The following SMU1 variants were observed in gnomAD, a reference collection of about 807,000 sequenced individuals.
SMU1 encodes SMU1 DNA replication regulator and spliceosomal factor, also known as WD40 repeat-containing protein SMU1.
In SMU1, 2 loss-of-function variants were observed where a neutral mutation model predicts 62.0. That is an observed-to-expected ratio of 0.03 (90% CI 0.01 to 0.10). SMU1 has a LOEUF of 0.10. SMU1 is among the 10% of genes least tolerant of loss of function. The pLI, the probability that SMU1 is intolerant of heterozygous loss-of-function variation, is 1.00. For missense variants in SMU1, 227 were observed against 622.1 expected (o/e 0.36, Z 6.76); for synonymous variants, 188 against 212.4 (o/e 0.89, Z 1.00).
intron 5 of SMU1, among the ~76,000 whole-genome samples, chr9:33,061,133 AAT>A (rs1342499076): frequency 2.0e-5 from 3 of 152,252 alleles, no homozygotes; most frequent in African/African-American, 7.2e-5. Context: ...CTGTCTGATA[AAT>A]GCATTCTGAG....
chr9:33,059,582 C>T (rs951706191), intron 6 of SMU1, among the ~76,000 whole-genome samples: 1 of 145,544 alleles, frequency 6.9e-6, no homozygotes, highest in African/African-American at 2.6e-5. Context: ...AAGGGCGAAA[C>T]TCTGTTTTGT....
At chr9:33,061,330 G>C (rs542664265) in intron 5 of SMU1, among the ~76,000 whole-genome samples, 1 of 152,314 alleles carries the variant, frequency 6.6e-6, no homozygotes, top group South Asian at 2.1e-4. Flanking sequence ...GTTTCAGGCA[G>C]AGTAAATAAA....
At chr9:33,071,096 A>T (rs1004648467) in intron 3 of SMU1, among the ~76,000 whole-genome samples, 6 of 152,176 alleles carry the variant, frequency 3.9e-5, no homozygotes, top group Non-Finnish European at 7.3e-5. Flanking sequence ...CTGCATGCCT[A>T]TATCAAAATA....
chr9:33,076,094 A>G (rs1274453468), intron 1 of SMU1, among the ~76,000 whole-genome samples: 1 of 152,208 alleles, frequency 6.6e-6, no homozygotes, highest in Non-Finnish European at 1.5e-5. Flanking sequence ...CTAGGCACCG[A>G]CAAAGGCTAG....
rs1219980554 is a variant in SMU1, at chr9:33,043,499, G to C, written c.*3794C>G. ...GGACCTTAGAATGTGTCTATCACGT[G>C]ACACTTGTAAGAACCACTGTTCTAG... On this transcript the variant is annotated 3_prime_UTR_variant, in exon 12 of 12. Coordinates refer to ENST00000397149, the MANE Select transcript of SMU1 (RefSeq NM_018225.3). 6.6e-6 allele frequency: 1 copy of C among 152,220 alleles called. No homozygotes were observed. Among genetic ancestry groups the C allele is most frequent in the Non-Finnish European group, 1.5e-5 (1 of 68,050 alleles). The allele number at this position is 152,220 out of a possible 1,614,324, so 9.4% of individuals were successfully genotyped here. A position where few individuals can be genotyped will look rare whatever the true frequency, so the allele number is the denominator to read the frequency against.
chr9:33,047,745 G>C (rs192812486), intron 11 of SMU1, among the ~76,000 whole-genome samples: 5 of 152,194 alleles, frequency 3.3e-5, no homozygotes, highest in African/African-American at 1.2e-4. Context: ...TGTAGTCCCA[G>C]TTACTTGGGA....
intron 4 of SMU1, among the ~76,000 whole-genome samples, chr9:33,064,809 C>A (rs912801911): frequency 6.6e-6 from 1 of 151,466 alleles, no homozygotes; most frequent in African/African-American, 2.4e-5. Flanking sequence ...GTGGCGCGAT[C>A]TTGGCTCACT....
chr9:33,074,039 A>G (rs1021376930), intron 1 of SMU1, among the ~76,000 whole-genome samples: 1 of 152,240 alleles, frequency 6.6e-6, no homozygotes, highest in African/African-American at 2.4e-5. Context: ...TCAGCTAGAA[A>G]GGGAGTTGGT....
rs550486292 is a variant in SMU1, at chr9:33,047,067, A to G, written c.*226T>C. 1.2e-4 allele frequency: 50 copies of G among 401,442 alleles called. 1 individual carries two copies. In the South Asian group the frequency reaches 1.9e-3, roughly 15 times the overall value. 24.9% of individuals were successfully genotyped at this position (401,442 alleles called of 1,614,324 possible). On this transcript the variant is annotated 3_prime_UTR_variant, in exon 12 of 12. Coordinates refer to ENST00000397149, the MANE Select transcript of SMU1 (RefSeq NM_018225.3). ...CTCCAGGTCGAAGATTAATGAAAAC[A>G]TTAAGTGACTGCACCAGTTAGAAGA...
chr9:33,074,447 C>A (rs1057315195), intron 1 of SMU1, among the ~76,000 whole-genome samples: 29 of 150,058 alleles, frequency 1.9e-4, no homozygotes, highest in African/African-American at 6.7e-4. Flanking sequence ...CACACACACA[C>A]ACAAAAAAAA....
intron 10 of SMU1, among the ~76,000 whole-genome samples, chr9:33,050,917 C>T (rs1289105226): frequency 8.8e-6 from 1 of 113,454 alleles, no homozygotes; most frequent in African/African-American, 3.0e-5. Flanking sequence ...GTCAGGAGAT[C>T]GAGACCATCC....
chr9:33,057,643 T>C lies in SMU1; in HGVS notation c.822A>G (p.Arg274=). The part of the protein sequence containing the change: ...DDAVLCMCFS[R]DTEMLATGAQ... ...CCCCAGTTGCTAACATTTCTGTATC[T>C]CTGCTGAAACACATGCAGAGGACAG... The change falls in exon 7 of 12, where the codon AGA becomes AGG. Residue 274 remains arginine (R), a synonymous_variant. Coordinates refer to ENST00000397149, the MANE Select transcript of SMU1 (RefSeq NM_018225.3). 1 of 1,614,040 alleles carries C rather than the reference T, an allele frequency of 6.2e-7. No individual in the cohort carries two copies. Among genetic ancestry groups the C allele is most frequent in the Non-Finnish European group, 8.5e-7 (1 of 1,180,000 alleles).
intron 10 of SMU1, among the ~76,000 whole-genome samples, chr9:33,050,755 G>A (rs10971369): frequency 9.2e-5 from 14 of 151,608 alleles, no homozygotes; most frequent in African/African-American, 3.1e-4. Flanking sequence ...GAACCCGGGG[G>A]CCGGAGGTTG....
intron 4 of SMU1, among the ~76,000 whole-genome samples, chr9:33,063,864 T>A (rs1296872448): frequency 6.6e-6 from 1 of 151,866 alleles, no homozygotes; most frequent in African/African-American, 2.4e-5. Flanking sequence ...TGGGGACCAC[T>A]GATTTAAAAA....
chr9:33,067,611 G>A (rs1839437293), intron 4 of SMU1, among the ~76,000 whole-genome samples: 1 of 149,764 alleles, frequency 6.7e-6, no homozygotes. Context: ...TGATTCTCCT[G>A]CCTCAGCCTC....
At chr9:33,072,107 G>T (rs1839493111) in intron 2 of SMU1, among the ~76,000 whole-genome samples, 2 of 151,166 alleles carry the variant, frequency 1.3e-5, no homozygotes, top group South Asian at 4.1e-4. Flanking sequence ...GCCAAGATGG[G>T]CGGATCACTT....
In SMU1 at chr9:33,056,099, A is replaced by C; in HGVS notation, c.1122+14T>G. On this transcript the variant is annotated intron_variant, in intron 9 of 11. Coordinates refer to ENST00000397149, the MANE Select transcript of SMU1 (RefSeq NM_018225.3). The stretch of plus-strand genomic sequence containing the variant: ...GGTAGACATCCCAAAATAAACTGAT[A>C]GCAAATACTTAACCTTTACAGTGCC... The C allele has an allele frequency of 5.6e-6, 9 of 1,594,986 alleles. No homozygotes were observed. Among genetic ancestry groups the C allele is most frequent in the Non-Finnish European group, 7.7e-6 (9 of 1,169,266 alleles).
At position 33,074,772 on chromosome 9, in the gene SMU1, C is replaced by CTT. The variant is rs757049046; in HGVS notation, c.27-968_27-967dup. Reference sequence around the variant, plus strand: ...TTCCTGAGGAGAAAGCAAACATCCTCTTTTTTTTTTTTTTTTTTGAGAAAT... The same window carrying CTT: ...TTCCTGAGGAGAAAGCAAACATCCTCTTTTTTTTTTTTTTTTTTTTGAGAAAT... On this transcript the variant is annotated intron_variant, in intron 1 of 11. Coordinates refer to ENST00000397149, the MANE Select transcript of SMU1 (RefSeq NM_018225.3). Among the ~76,000 whole-genome samples the CTT allele has an allele frequency of 3.5e-3, 467 of 133,928 alleles. 10 individuals are homozygous for CTT. Among genetic ancestry groups the CTT allele is most frequent in the Admixed American group, 0.012 (160 of 13,020 alleles). 87.9% of individuals were successfully genotyped at this position (133,928 alleles called of 152,430 possible). A position where few individuals can be genotyped will look rare whatever the true frequency, so the allele number is the denominator to read the frequency against.
At chr9:33,061,744 C>G (rs1440377169) in intron 5 of SMU1, among the ~76,000 whole-genome samples, 1 of 152,092 alleles carries the variant, frequency 6.6e-6, no homozygotes, top group Non-Finnish European at 1.5e-5. Flanking sequence ...GTTCACAGTC[C>G]CAGGTGTAAC....
Sources: gnomAD v4.1 joint callset for allele counts (sites outside exome capture counted in the v4.1 genomes callset) on GRCh38, gnomAD v4.1.1 for gene constraint, MANE v1.5 for transcripts, NCBI Gene and HGNC (gene_info 2026-07-23, HGNC 2026-07-21) for gene names.